SMC1B: variants seen among roughly 807,000 people sequenced by gnomAD.
SMC1B encodes the protein structural maintenance of chromosomes 1B.
In SMC1B, 60 loss-of-function variants were observed where a neutral mutation model predicts 157.9. That is an observed-to-expected ratio of 0.38 (90% CI 0.31 to 0.47). The LOEUF (loss-of-function observed/expected upper bound fraction) is 0.47, where lower values mean the gene tolerates loss of function less well. SMC1B is among the 20% of genes least tolerant of loss of function. The pLI is 0.99. For synonymous variants in SMC1B, 445 were observed against 483.0 expected, an observed-to-expected ratio of 0.92 and a Z score of 1.03; for missense variants, 1,165 against 1,426.2, an observed-to-expected ratio of 0.82 and a Z score of 2.95.
intron 11 of SMC1B, among the ~76,000 whole-genome samples, chr22:45,384,655 G>C (rs1200374923): frequency 6.6e-6 from 1 of 151,828 alleles, no homozygotes; most frequent in African/African-American, 2.4e-5. Flanking sequence ...GGGAGGCAGA[G>C]GTTGCAGTAA....
chr22:45,348,720 T>TA (rs1186060253), intron 23 of SMC1B, among the ~76,000 whole-genome samples: 1 of 151,028 alleles, frequency 6.6e-6, no homozygotes, highest in Non-Finnish European at 1.5e-5. Context: ...AAAGGACTGT[T>TA]TTTTTTGTTT....
chr22:45,355,331 T>G (rs2086659468), intron 19 of SMC1B, among the ~76,000 whole-genome samples: 1 of 152,204 alleles, frequency 6.6e-6, no homozygotes, highest in Admixed American at 6.5e-5. Flanking sequence ...TTTCAGCTCA[T>G]TTTTTAATCT....
At position 45,399,222 on chromosome 22, in the gene SMC1B, T is replaced by C; in HGVS notation, c.986A>G (p.Gln329Arg). 6.2e-7 allele frequency: 1 copy of C among 1,614,174 alleles called. No individual in the cohort carries two copies. The highest frequency in any genetic ancestry group is 8.5e-7 in the Non-Finnish European group (1 of 1,180,004). ...IKDSEKQCSK[Q>R]EDDIKALETE... The stretch of plus-strand genomic sequence containing the variant: ...CTCCAGGGCTTTTATATCATCTTCC[T>C]GTTTAGAACATTGTTTTTCGCTGTC... Residue 329 changes from glutamine to arginine, a missense_variant, in exon 6 of 25, where the codon CAG becomes CGG. Gln to Arg is a conservative substitution (Grantham distance 43). Coordinates refer to ENST00000357450, the MANE Select transcript of SMC1B (RefSeq NM_148674.5).
At chr22:45,373,704 T>A (rs2086856459) in intron 12 of SMC1B, among the ~76,000 whole-genome samples, 1 of 152,194 alleles carries the variant, frequency 6.6e-6, no homozygotes, top group Admixed American at 6.5e-5. Context: ...AGAAGCGAGG[T>A]AGGGTCAGTT....
At chr22:45,368,587 G>A (rs574045298) in intron 15 of SMC1B, among the ~76,000 whole-genome samples, 9 of 149,480 alleles carry the variant, frequency 6.0e-5, no homozygotes, top group East Asian at 2.0e-4. Context: ...GCATGATCTC[G>A]GCTCACTGCA....
chr22:45,402,674 T>G, intron 4 of SMC1B, 103 bp from the exon 5 acceptor site: 1 of 811,550 alleles, frequency 1.2e-6, no homozygotes, highest in Non-Finnish European at 2.0e-6. Context: ...TGAATGTTTA[T>G]TTATTAGGAC....
chr22:45,406,862 C>T lies in SMC1B; in HGVS notation c.302G>A (p.Gly101Glu). 6.4e-7 allele frequency: 1 copy of T among 1,558,432 alleles called. No homozygotes were observed. The highest frequency in any genetic ancestry group is 8.6e-7 in the Non-Finnish European group (1 of 1,160,834). The change falls in exon 3 of 25, where the codon GGA becomes GAA. Residue 101 changes from glycine to glutamate, a missense_variant. Coordinates refer to ENST00000357450, the MANE Select transcript of SMC1B (RefSeq NM_148674.5). ...ATCATTAAAGCGAAATTCTGAGCATCCCCCTAAAATAAAAAAATAAACCCT... is the reference window on the plus strand; with the variant it reads ...ATCATTAAAGCGAAATTCTGAGCATTCCCCTAAAATAAAAAAATAAACCCT... ...EKTFARIIRG[G>E]CSEFRFNDNL...
Position 45,352,621 on chromosome 22 carries a change from A to G in SMC1B, c.3274-19T>C, listed in dbSNP as rs1297256377. The G allele has an allele frequency of 1.9e-6, 3 of 1,577,352 alleles. No homozygotes were observed. The highest frequency in any genetic ancestry group is 1.2e-5 in the South Asian group (1 of 86,884). ...GAAATGCCTGAAACGCATGTTATTT[A>G]TTTAGCAATATCAGAAAAGCAACTG... is the stretch of plus-strand genomic sequence containing the variant. On this transcript the variant is annotated intron_variant, in intron 21 of 24. Transcript: ENST00000357450.
intron 5 of SMC1B, among the ~76,000 whole-genome samples, chr22:45,401,371 C>T (rs2087191253): frequency 6.6e-6 from 1 of 152,210 alleles, no homozygotes; most frequent in Non-Finnish European, 1.5e-5. Context: ...AAGCTGGAAG[C>T]TTACACGAGT....
chr22:45,386,328 A>G (rs1460323826), intron 11 of SMC1B, among the ~76,000 whole-genome samples: 1 of 152,060 alleles, frequency 6.6e-6, no homozygotes, highest in Non-Finnish European at 1.5e-5. Flanking sequence ...TCTCTATTCC[A>G]CTGAGAGTAA....
chr22:45,353,705 A>G (rs1349716637), intron 21 of SMC1B, among the ~76,000 whole-genome samples: 2 of 152,068 alleles, frequency 1.3e-5, no homozygotes, highest in African/African-American at 4.8e-5. Flanking sequence ...AGAATTTGGA[A>G]ACAAAATGAT....
Position 45,372,145 on chromosome 22 carries a change from T to C in SMC1B, c.2196+10A>G. ...AAATGCCTATCATATTTTATGTAAG[T>C]CTATATTACCTGGTAAAAAGCAACA... On this transcript the variant is annotated intron_variant, in intron 13 of 24. Coordinates refer to ENST00000357450, the MANE Select transcript of SMC1B (RefSeq NM_148674.5). 3.8e-6 allele frequency: 6 copies of C among 1,588,374 alleles called. No homozygotes were observed. Among genetic ancestry groups the C allele is most frequent in the South Asian group, 1.2e-5 (1 of 86,344 alleles).
intron 24 of SMC1B, 31 bp from the exon 25 acceptor site, chr22:45,344,688 C>T (rs747270173): frequency 6.7e-7 from 1 of 1,490,508 alleles, no homozygotes; most frequent in Non-Finnish European, 9.4e-7. Context: ...TTAAAAGTTC[C>T]CCTAATTAGG....
At chr22:45,391,653 G>C (rs1183615465) in intron 9 of SMC1B, among the ~76,000 whole-genome samples, 1 of 152,170 alleles carries the variant, frequency 6.6e-6, no homozygotes, top group East Asian at 1.9e-4. Flanking sequence ...AGCAACAGTT[G>C]ATAGAATAAG....
chr22:45,404,186 C>A (rs2087230124), intron 4 of SMC1B, among the ~76,000 whole-genome samples: 1 of 152,320 alleles, frequency 6.6e-6, no homozygotes, highest in Middle Eastern at 3.4e-3. Context: ...AAGTAATCCA[C>A]CTGCCTCGGT....
chr22:45,406,856 G>A lies in SMC1B; in HGVS notation c.308C>T (p.Ser103Leu). 1 of 1,561,330 alleles carries A rather than the reference G, an allele frequency of 6.4e-7. No individual in the cohort carries two copies. Among genetic ancestry groups the A allele is most frequent in the Non-Finnish European group, 8.6e-7 (1 of 1,162,348 alleles). Residue 103 changes from serine to leucine, a missense_variant, in exon 3 of 25, where the codon TCA becomes TTA. Ser to Leu is a moderately radical substitution (Grantham distance 145). Coordinates refer to ENST00000357450, the MANE Select transcript of SMC1B (RefSeq NM_148674.5). ...TFARIIRGGC[S>L]EFRFNDNLVS... ...AAGATTATCATTAAAGCGAAATTCT[G>A]AGCATCCCCCTAAAATAAAAAAATA...
At chr22:45,354,715 T>C (rs1331665304) in intron 20 of SMC1B, among the ~76,000 whole-genome samples, 4 of 152,146 alleles carry the variant, frequency 2.6e-5, no homozygotes, top group African/African-American at 9.7e-5. Flanking sequence ...ATTATGTCAA[T>C]TTTTTTGGTA....
At chr22:45,394,509 C>T (rs2146833735) in intron 8 of SMC1B, among the ~76,000 whole-genome samples, 176 bp downstream of exon 8, 1 of 152,148 alleles carries the variant, frequency 6.6e-6, no homozygotes, top group Non-Finnish European at 1.5e-5. Flanking sequence ...GGTGTGGTGG[C>T]ATGTGCCTGT....
At chr22:45,362,703 C>T (rs892919340) in intron 16 of SMC1B, among the ~76,000 whole-genome samples, 182 bp downstream of exon 16, 2 of 152,148 alleles carry the variant, frequency 1.3e-5, no homozygotes, top group Admixed American at 6.5e-5. Flanking sequence ...ATCCCCTTGC[C>T]CTTCCTCCCA....
Sources: gnomAD v4.1 joint callset for allele counts (sites outside exome capture counted in the v4.1 genomes callset) on GRCh38, gnomAD v4.1.1 for gene constraint, MANE v1.5 for transcripts, NCBI Gene and HGNC (gene_info 2026-07-23, HGNC 2026-07-21) for gene names.